Variants in WASHC4 observed in about 807,000 individuals in gnomAD.
WASHC4 encodes the protein WASH complex subunit 7.
WASHC4 carries 86 observed loss-of-function variants against 166.6 expected under a neutral mutation model. That is an observed-to-expected ratio of 0.52 (90% CI 0.43 to 0.62). The LOEUF is 0.62. WASHC4 is among the 20% of genes least tolerant of loss of function. WASHC4 has a pLI of 0.00. For missense variants in WASHC4, 1,262 were observed against 1,382.4 expected, an observed-to-expected ratio of 0.91 and a Z score of 1.38; for synonymous variants, 446 against 451.6, an observed-to-expected ratio of 0.99 and a Z score of 0.16.
chr12:105,120,999 A>G (rs1880685723), intron 8 of WASHC4, 102 bp from the exon 9 acceptor site: 2 of 766,016 alleles, frequency 2.6e-6, no homozygotes, highest in Non-Finnish European at 2.3e-6. Context: ...CACTACTTTT[A>G]CTAATTCAGT....
chr12:105,128,615 G>A (rs928457736), intron 13 of WASHC4, among the ~76,000 whole-genome samples: 3 of 152,126 alleles, frequency 2.0e-5, no homozygotes, highest in African/African-American at 7.2e-5. Context: ...AATGCTCATT[G>A]GAGCATTTTG....
At chr12:105,112,284 T>G (rs1879767147) in intron 2 of WASHC4, among the ~76,000 whole-genome samples, 1 of 152,208 alleles carries the variant, frequency 6.6e-6, no homozygotes, top group Middle Eastern at 3.2e-3. Flanking sequence ...GATAACCACA[T>G]TTTATTTATC....
rs1203750769 is a variant in WASHC4 at position 105,149,626 on chromosome 12, C to T, written c.2526C>T (p.Thr842=). The change falls in exon 25 of 33, where the codon ACC becomes ACT. Residue 842 remains threonine, a synonymous_variant. Coordinates refer to ENST00000332180, the MANE Select transcript of WASHC4 (RefSeq NM_015275.3). ...TTTTAATTTTATAGGTTAATTTCAC[C>T]TACCAGTTTTTGAAAAAGAAGTTCT... ...TGIMNTTVNF[T]YQFLKKKFYI... 19 of 1,462,020 alleles carry T rather than the reference C, an allele frequency of 1.3e-5. No individual in the cohort carries two copies. Among genetic ancestry groups the T allele is most frequent in the Admixed American group, 3.4e-5 (2 of 58,096 alleles). The allele number at this position is 1,462,020 out of a possible 1,614,324, so 90.6% of individuals were successfully genotyped here.
In WASHC4 at chr12:105,167,669, A is replaced by G. The variant is rs1352140414; in HGVS notation, c.*738A>G. ...GAGTCCTGTTTGAAGCTTCACTTCT[A>G]TTTTGGTTGAAGGCATGATGTATGA... On this transcript the variant is annotated 3_prime_UTR_variant, in exon 33 of 33. Coordinates refer to ENST00000332180, the MANE Select transcript of WASHC4 (RefSeq NM_015275.3). 2.0e-5 allele frequency: 3 copies of G among 152,584 alleles called. No homozygotes were observed. Among genetic ancestry groups the G allele is most frequent in the African/African-American group, 7.2e-5 (3 of 41,450 alleles). 9.5% of individuals were successfully genotyped at this position (152,584 alleles called of 1,614,324 possible).
intron 25 of WASHC4, among the ~76,000 whole-genome samples, chr12:105,150,491 A>C (rs959504129): frequency 6.6e-6 from 1 of 152,242 alleles, no homozygotes; most frequent in African/African-American, 2.4e-5. Context: ...AATTTATACG[A>C]ATGCTGCTGT....
chr12:105,121,398 A>G (rs1880728875), intron 9 of WASHC4, among the ~76,000 whole-genome samples, 194 bp downstream of exon 9: 1 of 152,252 alleles, frequency 6.6e-6, no homozygotes, highest in African/African-American at 2.4e-5. Context: ...TGGGACGAGT[A>G]TAATACATCT....
intron 13 of WASHC4, among the ~76,000 whole-genome samples, chr12:105,129,151 A>G (rs1224639788): frequency 1.3e-5 from 2 of 152,062 alleles, no homozygotes; most frequent in African/African-American, 4.8e-5. Flanking sequence ...TCACCACGTC[A>G]GTCAGGCTGG....
Position 105,120,297 on chromosome 12 carries a change from G to T in WASHC4, c.519-258G>T, listed in dbSNP as rs538891001. 2.6e-5 allele frequency among the ~76,000 whole-genome samples: 4 copies of T among 152,242 alleles called. No individual in the cohort carries two copies. In the South Asian group the frequency reaches 8.3e-4, roughly 32 times the overall value. ...AGCCCTACCCATGAGTGGGATATAGGCAAGAATACTATTAGGTTGGTGCAA... is the reference window on the plus strand; with the variant it reads ...AGCCCTACCCATGAGTGGGATATAGTCAAGAATACTATTAGGTTGGTGCAA... On this transcript the variant is annotated intron_variant, in intron 7 of 32. Transcript: ENST00000332180.
At chr12:105,139,425 G>GTGTGTA in intron 15 of WASHC4, among the ~76,000 whole-genome samples, 5 of 103,228 alleles carry the variant, frequency 4.8e-5, no homozygotes, top group Middle Eastern at 6.5e-3. Flanking sequence ...ATGTGTGTGT[G>GTGTGTA]TATATATATA....
At chr12:105,136,835 A>G (rs1233353887) in intron 14 of WASHC4, among the ~76,000 whole-genome samples, 1 of 151,876 alleles carries the variant, frequency 6.6e-6, no homozygotes, top group Non-Finnish European at 1.5e-5. Context: ...CATTTTCTTA[A>G]TTTAGCATGT....
intron 23 of WASHC4, 29 bp from the exon 24 acceptor site, chr12:105,147,013 T>C: frequency 7.8e-7 from 1 of 1,285,792 alleles, no homozygotes; most frequent in Non-Finnish European, 1.1e-6. Context: ...GGTTGCGTTG[T>C]TACTGAGCAT....
At chr12:105,146,980 C>A in intron 23 of WASHC4, 62 bp from the exon 24 acceptor site, 1 of 893,864 alleles carries the variant, frequency 1.1e-6, no homozygotes, top group South Asian at 1.3e-5. Context: ...CTTTGGATAC[C>A]TGTTTGACCA....
intron 13 of WASHC4, among the ~76,000 whole-genome samples, chr12:105,130,524 A>G (rs1349661389): frequency 6.6e-6 from 1 of 152,242 alleles, no homozygotes; most frequent in Non-Finnish European, 1.5e-5. Flanking sequence ...CTTAGCAGTT[A>G]TGTCAAGGAA....
At chr12:105,108,030 G>T (rs1301369475) in intron 1 of WASHC4, among the ~76,000 whole-genome samples, 169 bp downstream of exon 1, 6 of 152,188 alleles carry the variant, frequency 3.9e-5, no homozygotes, top group Non-Finnish European at 8.8e-5. Context: ...TACTTTCGGG[G>T]TTGGGGTCCC....
intron 13 of WASHC4, among the ~76,000 whole-genome samples, chr12:105,127,501 A>G (rs73179974): frequency 0.062 from 9,508 of 152,260 alleles, 373 homozygotes; most frequent in Non-Finnish European, 0.082. Context: ...GACAGATTAT[A>G]CTTTATGGAT....
At chr12:105,154,142 C>T (rs1299232766) in intron 26 of WASHC4, among the ~76,000 whole-genome samples, 3 of 151,784 alleles carry the variant, frequency 2.0e-5, no homozygotes, top group Non-Finnish European at 4.4e-5. Context: ...GCGATTCTCC[C>T]GCCTCAGCCT....
At chr12:105,114,128 G>C (rs1879949153) in intron 2 of WASHC4, 88 bp from the exon 3 acceptor site, 1 of 1,184,294 alleles carries the variant, frequency 8.4e-7, no homozygotes, top group East Asian at 2.5e-5. Flanking sequence ...ACAAGTTTAA[G>C]TCGAATAAAG....
rs766113449 is a variant in WASHC4 at position 105,140,977 on chromosome 12, C to G, written c.1639C>G (p.Leu547Val). Reference sequence around the variant, plus strand: ...TGCTCTAGTTTTGGCTGAAAACACTCTAAATGGACCAAGCACAAAGCAACG... The same window carrying G: ...TGCTCTAGTTTTGGCTGAAAACACTGTAAATGGACCAAGCACAAAGCAACG... Reference protein sequence around the residue: ...LSALVLAENTLNGPSTKQRRL... With the variant: ...LSALVLAENTVNGPSTKQRRL... The change falls in exon 17 of 33, where the codon CTA becomes GTA. Residue 547 changes from leucine (L) to valine (V), a missense_variant. Transcript: ENST00000332180. 1 of 1,614,116 alleles carries G rather than the reference C, an allele frequency of 6.2e-7. No individual in the cohort carries two copies.
At chr12:105,161,145 T>G (rs1174209236) in intron 29 of WASHC4, among the ~76,000 whole-genome samples, 2 of 152,184 alleles carry the variant, frequency 1.3e-5, no homozygotes, top group Non-Finnish European at 2.9e-5. Flanking sequence ...CTTTATTATA[T>G]TTAATTTTGA....
Sources: gnomAD v4.1 joint callset for allele counts (sites outside exome capture counted in the v4.1 genomes callset) on GRCh38, gnomAD v4.1.1 for gene constraint, MANE v1.5 for transcripts, NCBI Gene and HGNC (gene_info 2026-07-23, HGNC 2026-07-21) for gene names.